The following FSTL4 variants were observed in gnomAD, a reference collection of about 807,000 sequenced individuals.
The protein encoded by FSTL4 is follistatin-related protein 4.
FSTL4 carries 28 observed loss-of-function variants against 78.2 expected under a neutral mutation model. That is an observed-to-expected ratio of 0.36 (90% CI 0.27 to 0.49). The LOEUF is 0.49. Ranked by LOEUF, FSTL4 falls within the 20% of genes least tolerant of loss-of-function variation. The pLI, the probability that FSTL4 is intolerant of heterozygous loss-of-function variation, is 0.98. For synonymous variants in FSTL4, 422 were observed against 440.5 expected (o/e 0.96, Z 0.53); for missense variants, 922 against 1,084.9 (o/e 0.85, Z 2.11).
At chr5:133,277,108 T>C (rs914268578) in intron 6 of FSTL4, among the ~76,000 whole-genome samples, 2 of 152,140 alleles carry the variant, frequency 1.3e-5, no homozygotes, top group African/African-American at 2.4e-5. Context: ...GGTCGGGAGT[T>C]TGAAATCAGC....
At chr5:133,293,125 C>T (rs546157668) in intron 6 of FSTL4, among the ~76,000 whole-genome samples, 4 of 152,354 alleles carry the variant, frequency 2.6e-5, no homozygotes, top group Non-Finnish European at 2.9e-5. Flanking sequence ...CCCTGCCTTC[C>T]GGCACCCCCA....
the FSTL4 span, among the ~76,000 whole-genome samples, chr5:133,659,735 C>A: frequency 2.0e-5 from 3 of 151,710 alleles, no homozygotes; most frequent in Non-Finnish European, 4.4e-5. Context: ...TTTTCTTCTG[C>A]TAGCTTAAAA....
At chr5:133,261,483 G>A (rs1752519630) in intron 6 of FSTL4, among the ~76,000 whole-genome samples, 1 of 152,270 alleles carries the variant, frequency 6.6e-6, no homozygotes, top group Admixed American at 6.5e-5. Flanking sequence ...GGGATAAAAG[G>A]TTGGACACGC....
At chr5:133,687,190 G>A in the FSTL4 span, among the ~76,000 whole-genome samples, 1 of 148,236 alleles carries the variant, frequency 6.7e-6, no homozygotes, top group African/African-American at 2.5e-5. Flanking sequence ...GTGGTCAGCA[G>A]GGAGCCACTG....
chr5:133,726,274 G>A, the FSTL4 span, among the ~76,000 whole-genome samples: 2 of 152,174 alleles, frequency 1.3e-5, no homozygotes, highest in African/African-American at 4.8e-5. Flanking sequence ...AGACCTTACT[G>A]AGAACCCTAG....
chr5:133,398,137 G>A (rs185487252), intron 4 of FSTL4, among the ~76,000 whole-genome samples: 3 of 152,218 alleles, frequency 2.0e-5, no homozygotes, highest in Non-Finnish European at 2.9e-5. Context: ...TGAAGGTGAC[G>A]TGCTCACCCC....
intron 4 of FSTL4, among the ~76,000 whole-genome samples, chr5:133,381,687 C>T (rs1755576172): frequency 6.6e-6 from 1 of 152,174 alleles, no homozygotes; most frequent in Non-Finnish European, 1.5e-5. Flanking sequence ...TGTCTGTATG[C>T]CATACGTCAT....
At chr5:133,696,972 C>A in the FSTL4 span, among the ~76,000 whole-genome samples, 3 of 152,220 alleles carry the variant, frequency 2.0e-5, no homozygotes, top group Non-Finnish European at 2.9e-5. Context: ...AACACCCTAG[C>A]GTCAGGTCCT....
chr5:133,807,839 G>C, the FSTL4 span, among the ~76,000 whole-genome samples: 3 of 152,204 alleles, frequency 2.0e-5, no homozygotes, highest in East Asian at 3.8e-4. Context: ...CCTGATGGTA[G>C]AGACAGTGTC....
chr5:133,642,665 A>G, the FSTL4 span, among the ~76,000 whole-genome samples: 1 of 152,180 alleles, frequency 6.6e-6, no homozygotes, highest in African/African-American at 2.4e-5. Context: ...CCTGTCCCCA[A>G]CCTAGGTTAA....
At chr5:133,502,090 C>T (rs1758509923) in intron 3 of FSTL4, among the ~76,000 whole-genome samples, 2 of 152,216 alleles carry the variant, frequency 1.3e-5, no homozygotes, top group South Asian at 4.1e-4. Flanking sequence ...GCCCTGAGGA[C>T]ACTTTGATTT....
At chr5:133,672,865 C>T in the FSTL4 span, among the ~76,000 whole-genome samples, 2 of 152,178 alleles carry the variant, frequency 1.3e-5, no homozygotes, top group Non-Finnish European at 2.9e-5. Context: ...TGACTATGCA[C>T]CCATGACACA....
intron 6 of FSTL4, among the ~76,000 whole-genome samples, chr5:133,290,279 A>C (rs1753228762): frequency 6.6e-6 from 1 of 152,210 alleles, no homozygotes; most frequent in African/African-American, 2.4e-5. Context: ...AAGTGAACAG[A>C]ATGTTTGGAG....
chr5:133,529,129 C>T (rs541663155), intron 3 of FSTL4, among the ~76,000 whole-genome samples: 3 of 152,316 alleles, frequency 2.0e-5, no homozygotes, highest in South Asian at 2.1e-4. Flanking sequence ...AATCTGAACA[C>T]CTGCTCAGAA....
intron 3 of FSTL4, among the ~76,000 whole-genome samples, chr5:133,406,771 T>C (rs540363696): frequency 4.6e-5 from 7 of 152,348 alleles, no homozygotes; most frequent in Admixed American, 3.9e-4. Context: ...GCTCATCTGA[T>C]GCTCATTTAA....
the FSTL4 span, among the ~76,000 whole-genome samples, chr5:133,622,737 C>T: frequency 2.0e-5 from 3 of 152,120 alleles, no homozygotes; most frequent in Non-Finnish European, 4.4e-5. Context: ...AATATCTCTT[C>T]ATTCTAATTG....
chr5:133,603,152 T>C (rs1760906730), intron 2 of FSTL4, among the ~76,000 whole-genome samples: 1 of 152,144 alleles, frequency 6.6e-6, no homozygotes, highest in African/African-American at 2.4e-5. Context: ...ACAAAGCATT[T>C]TCTGCAGAAA....
At chr5:133,798,575 A>G in the FSTL4 span, among the ~76,000 whole-genome samples, 4 of 151,962 alleles carry the variant, frequency 2.6e-5, no homozygotes, top group African/African-American at 9.7e-5. Context: ...AAACAGAAAC[A>G]AGGGACGCCA....
At chr5:133,336,708 C>T (rs891514405) in intron 4 of FSTL4, among the ~76,000 whole-genome samples, 1 of 152,164 alleles carries the variant, frequency 6.6e-6, no homozygotes, top group Non-Finnish European at 1.5e-5. Flanking sequence ...CAGTTCTGTC[C>T]CATGGTTCCC....
Sources: gnomAD v4.1 joint callset for allele counts (sites outside exome capture counted in the v4.1 genomes callset) on GRCh38, gnomAD v4.1.1 for gene constraint, MANE v1.5 for transcripts, NCBI Gene and HGNC (gene_info 2026-07-23, HGNC 2026-07-21) for gene names.